The following LCORL variants were observed in gnomAD, a reference collection of about 807,000 sequenced individuals.
LCORL encodes the protein ligand-dependent nuclear receptor corepressor-like protein.
Under a neutral mutation model 141.8 loss-of-function variants are expected in LCORL, and 41 were observed. That is an observed-to-expected ratio of 0.29 (90% CI 0.23 to 0.38). The LOEUF (loss-of-function observed/expected upper bound fraction) is 0.38, where lower values mean the gene tolerates loss of function less well. Among genes scored for constraint, LCORL ranks in the 10% least tolerant of loss-of-function variants. The probability of loss-of-function intolerance (pLI) is 1.00; values close to 1 mark genes in which losing one functional copy is unlikely to be tolerated. For missense variants in LCORL, 1,759 were observed against 2,035.0 expected (o/e 0.86, Z 2.61); for synonymous variants, 618 against 694.1 (o/e 0.89, Z 1.72).
chr4:17,952,521 T>A (rs1001094701), intron 4 of LCORL, among the ~76,000 whole-genome samples: 10 of 151,440 alleles, frequency 6.6e-5, no homozygotes, highest in Non-Finnish European at 1.2e-4. Flanking sequence ...GTTCACGCCA[T>A]TCTCCTGCCT....
intron 5 of LCORL, among the ~76,000 whole-genome samples, chr4:17,894,466 G>A (rs1729582653): frequency 6.6e-6 from 1 of 152,068 alleles, no homozygotes; most frequent in East Asian, 1.9e-4. Context: ...TAAATAAAAG[G>A]ATTTTAAAAG....
intron 1 of LCORL, among the ~76,000 whole-genome samples, chr4:17,989,831 G>A (rs1719649250): frequency 6.6e-6 from 1 of 152,152 alleles, no homozygotes; most frequent in Non-Finnish European, 1.5e-5. Context: ...GATGTGGCTG[G>A]TTGACCAAGC....
At chr4:17,875,199 CTAT>C in exon 7 of LCORL, 2 of 1,231,728 alleles carry the variant, frequency 1.6e-6, no homozygotes, top group Non-Finnish European at 2.0e-6. Context: ...AGGTGAAGTT[CTAT>C]TAATAGTCAC....
chr4:17,876,930 T>C, exon 7 of LCORL: 1 of 1,230,788 alleles, frequency 8.1e-7, no homozygotes, highest in African/African-American at 1.6e-5. Flanking sequence ...TGTTTCAGCA[T>C]GATTTTTACC....
At chr4:17,960,352 G>C (rs560431955) in intron 4 of LCORL, 5 of 154,192 alleles carry the variant, frequency 3.2e-5, no homozygotes, top group Non-Finnish European at 7.3e-5. Context: ...TCTTAATAGG[G>C]CAATGGAGCA....
intron 5 of LCORL, among the ~76,000 whole-genome samples, chr4:17,887,507 A>G (rs1341656675): frequency 6.6e-6 from 1 of 152,168 alleles, no homozygotes; most frequent in African/African-American, 2.4e-5. Context: ...ACGTTTCCAA[A>G]AGAACAGTCT....
At chr4:17,876,330 A>T in exon 7 of LCORL, 2 of 1,231,012 alleles carry the variant, frequency 1.6e-6, no homozygotes, top group Non-Finnish European at 2.0e-6. Flanking sequence ...TTTGCATGTC[A>T]TTCTATTTAG....
chr4:17,937,046 T>C (rs1031152907), intron 4 of LCORL, among the ~76,000 whole-genome samples: 1 of 152,172 alleles, frequency 6.6e-6, no homozygotes, highest in African/African-American at 2.4e-5. Context: ...GCTAAAAAAT[T>C]TATAAAATCA....
chr4:17,999,076 T>C (rs149661602), intron 1 of LCORL, among the ~76,000 whole-genome samples: 274 of 148,872 alleles, frequency 1.8e-3, no homozygotes, highest in African/African-American at 6.3e-3. Flanking sequence ...TATCAAGTAT[T>C]ATGTACTGTA....
At chr4:17,882,453 C>A (rs1727699530) in intron 6 of LCORL, 1 of 984,538 alleles carries the variant, frequency 1.0e-6, no homozygotes, top group Non-Finnish European at 1.2e-6. Flanking sequence ...TATTTTAAAA[C>A]TGCTAGGTAA....
At chr4:17,979,610 G>C (rs1163103314) in intron 1 of LCORL, among the ~76,000 whole-genome samples, 1 of 152,130 alleles carries the variant, frequency 6.6e-6, no homozygotes, top group Non-Finnish European at 1.5e-5. Context: ...TCTTGAATAA[G>C]TCTGTTTCTG....
intron 4 of LCORL, among the ~76,000 whole-genome samples, chr4:17,958,283 T>TA (rs888742728): frequency 1.8e-4 from 27 of 146,928 alleles, no homozygotes; most frequent in East Asian, 7.9e-4. Context: ...GTGTGGGTAT[T>TA]AAAAAAAAAA....
At chr4:17,881,313 T>G (rs1727543848) in intron 6 of LCORL, 4 of 981,222 alleles carry the variant, frequency 4.1e-6, no homozygotes, top group Non-Finnish European at 4.8e-6. Flanking sequence ...TAAAGTACTT[T>G]GAAAGTTTAA....
intron 5 of LCORL, among the ~76,000 whole-genome samples, chr4:17,896,907 TCTA>T (rs972358580): frequency 2.0e-5 from 3 of 152,142 alleles, no homozygotes; most frequent in African/African-American, 7.2e-5. Context: ...TAACCATCCT[TCTA>T]CTATCTCCAT....
chr4:17,950,070 T>G (rs1323614363), intron 4 of LCORL, among the ~76,000 whole-genome samples: 3 of 152,160 alleles, frequency 2.0e-5, no homozygotes, highest in Non-Finnish European at 4.4e-5. Flanking sequence ...CAAAGATAAC[T>G]CAACATTACT....
At chr4:18,019,940 A>G (rs1013338763) in intron 1 of LCORL, among the ~76,000 whole-genome samples, 1 of 152,254 alleles carries the variant, frequency 6.6e-6, no homozygotes, top group African/African-American at 2.4e-5. Flanking sequence ...AACAATTTAT[A>G]TAAAGAATAC....
chr4:17,997,254 T>C (rs1268422904), intron 1 of LCORL, among the ~76,000 whole-genome samples: 2 of 152,188 alleles, frequency 1.3e-5, no homozygotes, highest in African/African-American at 2.4e-5. Flanking sequence ...ATCTTACTTG[T>C]TGGAATTCGT....
At chr4:17,868,097 T>C (rs979652071) in intron 7 of LCORL, among the ~76,000 whole-genome samples, 2 of 152,150 alleles carry the variant, frequency 1.3e-5, no homozygotes. Context: ...CCTTTTATCT[T>C]GTGTTCAGTG....
intron 7 of LCORL, among the ~76,000 whole-genome samples, chr4:17,849,286 A>G (rs1358098690): frequency 6.6e-6 from 1 of 152,216 alleles, no homozygotes; most frequent in Non-Finnish European, 1.5e-5. Context: ...CAGTTGGGGC[A>G]GACTGACACC....
Sources: allele counts gnomAD v4.1 joint callset (sites outside exome capture counted in the v4.1 genomes callset), GRCh38; gene constraint gnomAD v4.1.1; transcripts MANE v1.5; gene names NCBI Gene and HGNC (gene_info 2026-07-23, HGNC 2026-07-21).